SPAG16: variants seen among roughly 807,000 people sequenced by gnomAD.
SPAG16 encodes sperm associated antigen 16.
SPAG16 carries 86 observed loss-of-function variants against 80.4 expected under a neutral mutation model. The ratio of observed to expected loss-of-function variants is 1.07; its 90% confidence interval spans 0.90 to 1.28. The LOEUF is 1.28. SPAG16 is among the 50% of genes most tolerant of loss of function. The pLI, the probability that SPAG16 is intolerant of heterozygous loss-of-function variation, is 0.00. For synonymous variants in SPAG16, 294 were observed against 265.9 expected (o/e 1.11, Z -1.03); for missense variants, 870 against 765.3 (o/e 1.14, Z -1.61).
At chr2:213,993,441 A>C (rs754201152) in intron 12 of SPAG16, among the ~76,000 whole-genome samples, 1 of 152,188 alleles carries the variant, frequency 6.6e-6, no homozygotes, top group Admixed American at 6.5e-5. Flanking sequence ...GGTTGTTCTT[A>C]ACATATTCAC....
At chr2:213,526,475 T>C (rs1214095941) in intron 10 of SPAG16, among the ~76,000 whole-genome samples, 1 of 152,192 alleles carries the variant, frequency 6.6e-6, no homozygotes, top group East Asian at 1.9e-4. Context: ...TCTTTCCCCC[T>C]TGGAGATAGA....
intron 10 of SPAG16, among the ~76,000 whole-genome samples, chr2:213,728,167 C>G (rs564301058): frequency 6.6e-6 from 1 of 152,228 alleles, no homozygotes; most frequent in South Asian, 2.1e-4. Context: ...GTTCTTAAAT[C>G]TCACTGGCTT....
chr2:213,385,267 A>AGTTTGGTAATCACTT (rs2067368004), intron 9 of SPAG16, among the ~76,000 whole-genome samples: 1 of 152,082 alleles, frequency 6.6e-6, no homozygotes. Flanking sequence ...TAGTTCACTT[A>AGTTTGGTAATCACTT]GTTTGGTAAT....
intron 13 of SPAG16, among the ~76,000 whole-genome samples, chr2:214,080,618 A>AG (rs1194208409): frequency 1.3e-5 from 2 of 151,464 alleles, no homozygotes; most frequent in African/African-American, 4.8e-5. Context: ...AAAAAAAAAA[A>AG]AAAATTAAAA....
rs556132653 is a variant in SPAG16 at position 213,849,547 on chromosome 2, A to G, written c.1071-12938A>G. On this transcript the variant is annotated intron_variant, in intron 10 of 15. Coordinates refer to ENST00000331683, the MANE Select transcript of SPAG16 (RefSeq NM_024532.5). Reference sequence around the variant, plus strand: ...AAAGTCATTATTTATATGTCATTACAATAATCACATTGGCTTGGTGGTATC... The same window carrying G: ...AAAGTCATTATTTATATGTCATTACGATAATCACATTGGCTTGGTGGTATC... 2.6e-5 allele frequency among the ~76,000 whole-genome samples: 4 copies of G among 152,366 alleles called. No individual in the cohort carries two copies. The South Asian group carries it at 8.3e-4, about 32-fold the overall frequency.
chr2:214,153,148 A>T (rs2056058032), intron 15 of SPAG16, among the ~76,000 whole-genome samples: 1 of 151,956 alleles, frequency 6.6e-6, no homozygotes, highest in African/African-American at 2.4e-5. Flanking sequence ...TCCTTGACAC[A>T]TTTCGCTACC....
At chr2:214,196,704 A>G (rs184733056) in intron 15 of SPAG16, among the ~76,000 whole-genome samples, 29 of 152,212 alleles carry the variant, frequency 1.9e-4, no homozygotes, top group African/African-American at 7.0e-4. Context: ...AACATGCATC[A>G]TATACAAACT....
chr2:214,110,372 T>A (rs185061314), intron 14 of SPAG16, among the ~76,000 whole-genome samples: 102 of 150,138 alleles, frequency 6.8e-4, no homozygotes, highest in African/African-American at 2.5e-3. Context: ...CACCTATGAG[T>A]GAGAACATGC....
chr2:213,552,879 C>T (rs1406181787), intron 10 of SPAG16, among the ~76,000 whole-genome samples: 1 of 152,186 alleles, frequency 6.6e-6, no homozygotes, highest in Non-Finnish European at 1.5e-5. Context: ...ATGCTGGATG[C>T]TTCTTGCCCT....
intron 1 of SPAG16, among the ~76,000 whole-genome samples, chr2:213,285,582 A>G: frequency 6.6e-6 from 1 of 152,318 alleles, no homozygotes; most frequent in South Asian, 2.1e-4. Flanking sequence ...AAATCCAGCA[A>G]TGATTCATTT....
chr2:214,059,206 A>ATG (rs1160801165), intron 13 of SPAG16, among the ~76,000 whole-genome samples: 165 of 96,328 alleles, frequency 1.7e-3, no homozygotes, highest in African/African-American at 5.1e-3. Flanking sequence ...ATATATATAT[A>ATG]TATATATATG....
At chr2:213,707,429 T>C (rs1433478873) in intron 10 of SPAG16, among the ~76,000 whole-genome samples, 1 of 152,234 alleles carries the variant, frequency 6.6e-6, no homozygotes, top group Non-Finnish European at 1.5e-5. Flanking sequence ...AAATTCTCTT[T>C]CTCAAAAGTT....
At chr2:213,617,726 T>G (rs557983767) in intron 10 of SPAG16, among the ~76,000 whole-genome samples, 9 of 152,048 alleles carry the variant, frequency 5.9e-5, no homozygotes, top group Non-Finnish European at 5.9e-5. Context: ...GTCAGGAGGA[T>G]CCCATGGGCC....
At chr2:213,882,465 T>C (rs1270762596) in intron 11 of SPAG16, among the ~76,000 whole-genome samples, 1 of 152,184 alleles carries the variant, frequency 6.6e-6, no homozygotes, top group Non-Finnish European at 1.5e-5. Context: ...TGGGTTTTTT[T>C]CTGTATTCAA....
At chr2:214,021,740 ACACCTTGCTTTGAACAC>A (rs1416509719) in intron 13 of SPAG16, among the ~76,000 whole-genome samples, 1 of 152,208 alleles carries the variant, frequency 6.6e-6, no homozygotes, top group Non-Finnish European at 1.5e-5. Context: ...ATACTGTGTT[ACACCTTGCTTTGAACAC>A]CTTGGTTCAA....
chr2:213,862,598 A>G lies in SPAG16; in HGVS notation c.1184A>G (p.Asp395Gly), dbSNP rs759266259. Reference protein sequence around the residue: ...NVLLTGFGHTDWLSDCCFHPS... With the variant: ...NVLLTGFGHTGWLSDCCFHPS... ...CTTCTCACGGGATTTGGCCACACTG[A>G]CTGGCTTTCAGACTGCTGCTTCCAT... The change falls in exon 11 of 16, where the codon GAC (aspartate) becomes GGC (glycine). Residue 395 changes from aspartate (D) to glycine (G), a missense_variant. Physicochemically the swap from Asp to Gly is moderately conservative, Grantham distance 94 (BLOSUM62 -1). Transcript: ENST00000331683. 6.2e-6 allele frequency: 10 copies of G among 1,614,080 alleles called. No individual in the cohort carries two copies. In the South Asian group the frequency reaches 9.9e-5, roughly 16 times the overall value.
chr2:214,385,063 C>G (rs1700670490), intron 15 of SPAG16, among the ~76,000 whole-genome samples: 1 of 152,200 alleles, frequency 6.6e-6, no homozygotes, highest in Admixed American at 6.5e-5. Flanking sequence ...TTAGTCCTGT[C>G]ATAACACTAA....
intron 13 of SPAG16, among the ~76,000 whole-genome samples, chr2:214,025,474 T>C (rs982398544): frequency 5.3e-5 from 8 of 151,762 alleles, no homozygotes; most frequent in African/African-American, 9.6e-5. Flanking sequence ...AAAACTTCAA[T>C]AGTGATGGCT....
At chr2:214,100,483 T>C (rs192473484) in intron 13 of SPAG16, among the ~76,000 whole-genome samples, 2 of 152,198 alleles carry the variant, frequency 1.3e-5, no homozygotes, top group African/African-American at 2.4e-5. Context: ...TCATCACCCA[T>C]GTAATACGCA....
Sources: allele counts gnomAD v4.1 joint callset (sites outside exome capture counted in the v4.1 genomes callset), GRCh38; gene constraint gnomAD v4.1.1; transcripts MANE v1.5; gene names NCBI Gene and HGNC (gene_info 2026-07-23, HGNC 2026-07-21).